The following BBX variants were observed in gnomAD, a reference collection of about 807,000 sequenced individuals.
BBX encodes BBX high mobility group box domain containing, also known as HMG box transcription factor BBX.
BBX carries 30 observed loss-of-function variants against 100.2 expected under a neutral mutation model. That is an observed-to-expected ratio of 0.30 (90% CI 0.22 to 0.41). The LOEUF is 0.41. Among genes scored for constraint, BBX ranks in the 10% least tolerant of loss-of-function variants. The pLI, the probability that BBX is intolerant of heterozygous loss-of-function variation, is 1.00. For missense variants in BBX, 1,023 were observed against 1,129.8 expected, an observed-to-expected ratio of 0.91 and a Z score of 1.35; for synonymous variants, 376 against 388.1, an observed-to-expected ratio of 0.97 and a Z score of 0.37.
chr3:107,802,688 C>T (rs1019752141), intron 17 of BBX, among the ~76,000 whole-genome samples: 3 of 152,202 alleles, frequency 2.0e-5, no homozygotes, highest in African/African-American at 7.2e-5. Flanking sequence ...GTGGTCACAC[C>T]GTTGCTCTGT....
At chr3:107,702,015 A>G (rs1406831756) in intron 3 of BBX, among the ~76,000 whole-genome samples, 1 of 152,226 alleles carries the variant, frequency 6.6e-6, no homozygotes, top group East Asian at 1.9e-4. Flanking sequence ...TTGACTATGT[A>G]ACTGAGTAAG....
intron 9 of BBX, among the ~76,000 whole-genome samples, chr3:107,750,357 T>C (rs2064985346): frequency 6.6e-6 from 1 of 152,176 alleles, no homozygotes; most frequent in Admixed American, 6.5e-5. Context: ...TAGGAAGGCA[T>C]GTATGACAGA....
Position 107,805,304 on chromosome 3 carries a change from A to G in BBX, c.2739-66A>G. Reference sequence around the variant, plus strand: ...AGATATTGGAACACACTTGTTATTCATCGTCCTCTCCTGTCTCTAATAACA... The same window carrying G: ...AGATATTGGAACACACTTGTTATTCGTCGTCCTCTCCTGTCTCTAATAACA... On this transcript the variant is annotated intron_variant, in intron 17 of 17. Coordinates refer to ENST00000325805, the MANE Select transcript of BBX (RefSeq NM_001142568.3). 4 of 1,463,836 alleles carry G rather than the reference A, an allele frequency of 2.7e-6. No homozygotes were observed. The East Asian group carries it at 6.9e-5, about 25-fold the overall frequency. 90.7% of individuals were successfully genotyped at this position (1,463,836 alleles called of 1,614,324 possible). A position where few individuals can be genotyped will look rare whatever the true frequency, so the allele number is the denominator to read the frequency against.
At chr3:107,537,464 G>A (rs2048577789) in intron 2 of BBX, among the ~76,000 whole-genome samples, 1 of 152,258 alleles carries the variant, frequency 6.6e-6, no homozygotes, top group East Asian at 1.9e-4. Context: ...ATTAATAAGA[G>A]TTCTAGCCCA....
chr3:107,530,741 A>G (rs1464691468), intron 2 of BBX, among the ~76,000 whole-genome samples: 1 of 152,258 alleles, frequency 6.6e-6, no homozygotes, highest in Non-Finnish European at 1.5e-5. Flanking sequence ...TATAAAAAAT[A>G]CCTTTAACAT....
chr3:107,607,054 T>A (rs2054500973), intron 2 of BBX, among the ~76,000 whole-genome samples: 1 of 152,194 alleles, frequency 6.6e-6, no homozygotes, highest in Non-Finnish European at 1.5e-5. Flanking sequence ...GCTTATTAAC[T>A]TAATGACCTC....
At chr3:107,551,560 A>G (rs1048316278) in intron 2 of BBX, among the ~76,000 whole-genome samples, 25 of 152,370 alleles carry the variant, frequency 1.6e-4, no homozygotes, top group Non-Finnish European at 2.1e-4. Context: ...AAAATGTAAT[A>G]TGCATGATCC....
chr3:107,621,383 C>T (rs1442799517), intron 2 of BBX, among the ~76,000 whole-genome samples: 7 of 152,124 alleles, frequency 4.6e-5, no homozygotes, highest in African/African-American at 1.7e-4. Flanking sequence ...TCACAGTCTT[C>T]TTAATGATTG....
At chr3:107,579,858 A>G (rs2052137721) in intron 2 of BBX, among the ~76,000 whole-genome samples, 1 of 152,190 alleles carries the variant, frequency 6.6e-6, no homozygotes, top group Non-Finnish European at 1.5e-5. Flanking sequence ...GAACATTAGA[A>G]AGGTACCTAT....
chr3:107,658,540 T>A (rs2058268112), intron 3 of BBX, among the ~76,000 whole-genome samples: 1 of 152,158 alleles, frequency 6.6e-6, no homozygotes. Flanking sequence ...GAAAGCCCTT[T>A]GGAGTATTTG....
In BBX at chr3:107,786,607, G is replaced by T. The variant is rs556905129; in HGVS notation, c.2204-3180G>T. ...AACTGAGTATCTACATTCAAATGAA[G>T]TTGGACACTTACCTCATACAATGTA... is the stretch of plus-strand genomic sequence containing the variant. On this transcript the variant is annotated intron_variant, in intron 13 of 17. Coordinates refer to ENST00000325805, the MANE Select transcript of BBX (RefSeq NM_001142568.3). 2.0e-5 allele frequency among the ~76,000 whole-genome samples: 3 copies of T among 152,224 alleles called. No individual in the cohort carries two copies. In the South Asian group the frequency reaches 6.2e-4, roughly 32 times the overall value.
rs890056025 is a variant in BBX, at chr3:107,809,517, G to A, written c.*4060G>A. ...ACTGCTCCACAGAGCCCTCATATAA[G>A]GCCAATCCTAATGGGCTACCTCGGC... On this transcript the variant is annotated 3_prime_UTR_variant, in exon 18 of 18. Coordinates refer to ENST00000325805, the MANE Select transcript of BBX (RefSeq NM_001142568.3). The A allele has an allele frequency of 2.0e-5, 3 of 152,168 alleles. No homozygotes were observed. Among genetic ancestry groups the A allele is most frequent in the African/African-American group, 4.8e-5 (2 of 41,434 alleles). The allele number at this position is 152,168 out of a possible 1,614,324, so 9.4% of individuals were successfully genotyped here.
chr3:107,798,558 G>C lies in BBX; in HGVS notation c.2389G>C (p.Val797Leu), dbSNP rs145336154. 246 of 1,614,004 alleles carry C rather than the reference G, an allele frequency of 1.5e-4. 1 individual carries two copies. In the African/African-American group the frequency reaches 3.0e-3, roughly 20 times the overall value. ...AGAAGACAGAAACACCATGGAGCCT[G>C]TTCATAAGGTTAAAAATATCCCATC... Reference protein sequence around the residue: ...FSEDRNTMEPVHKVKNIPSIF... With the variant: ...FSEDRNTMEPLHKVKNIPSIF... The change falls in exon 16 of 18, where the codon GTT becomes CTT. Residue 797 changes from valine (V) to leucine (L), a missense_variant. Coordinates refer to ENST00000325805, the MANE Select transcript of BBX (RefSeq NM_001142568.3).
intron 16 of BBX, among the ~76,000 whole-genome samples, chr3:107,799,388 A>G (rs949237884): frequency 1.3e-5 from 2 of 152,162 alleles, no homozygotes; most frequent in Non-Finnish European, 2.9e-5. Flanking sequence ...GCAGCTTTCT[A>G]CAGACCTCCA....
chr3:107,659,841 A>T (rs543274796), intron 3 of BBX: 2 of 929,984 alleles, frequency 2.2e-6, no homozygotes, highest in African/African-American at 1.7e-5. Flanking sequence ...GAAATGCATC[A>T]GTTCCTAGCA....
chr3:107,596,852 T>G (rs1384719777), intron 2 of BBX, among the ~76,000 whole-genome samples: 1 of 152,210 alleles, frequency 6.6e-6, no homozygotes, highest in African/African-American at 2.4e-5. Context: ...TCAAAGTGGC[T>G]CATTTCCTGA....
chr3:107,748,043 T>C lies in BBX; in HGVS notation c.825+4T>C, dbSNP rs201923307. ...TGCCTTGTTTCAGTTTGCAGAGGTA[T>C]GGCCTTTTTAAAATGCTTTTTAGGC... is the stretch of plus-strand genomic sequence containing the variant. On this transcript the variant is annotated splice_donor_region_variant and intron_variant, in intron 9 of 17. Coordinates refer to ENST00000325805, the MANE Select transcript of BBX (RefSeq NM_001142568.3). The C allele has an allele frequency of 2.7e-5, 43 of 1,611,266 alleles. No individual in the cohort carries two copies. In the African/African-American group the frequency reaches 4.5e-4, roughly 17 times the overall value.
chr3:107,594,937 GTTA>G (rs202197943), intron 2 of BBX, among the ~76,000 whole-genome samples: 1,549 of 152,284 alleles, frequency 0.01, 28 homozygotes, highest in African/African-American at 0.035. Flanking sequence ...TTTGCTCACA[GTTA>G]TTATGTTGTC....
chr3:107,553,129 C>T (rs1193405364), intron 2 of BBX, among the ~76,000 whole-genome samples: 1 of 152,172 alleles, frequency 6.6e-6, no homozygotes, highest in African/African-American at 2.4e-5. Flanking sequence ...GGTATTTAGG[C>T]ATCCCATTAA....
Sources: allele counts gnomAD v4.1 joint callset (sites outside exome capture counted in the v4.1 genomes callset), GRCh38; gene constraint gnomAD v4.1.1; transcripts MANE v1.5; gene names NCBI Gene and HGNC (gene_info 2026-07-23, HGNC 2026-07-21).